PTPRT: variants seen among roughly 807,000 people sequenced by gnomAD.
PTPRT encodes protein tyrosine phosphatase receptor type T.
PTPRT carries 56 observed loss-of-function variants against 176.8 expected under a neutral mutation model. The observed-to-expected ratio is 0.32, with a 90% confidence interval of 0.26 to 0.40. The LOEUF is 0.40. Among genes scored for constraint, PTPRT ranks in the 10% least tolerant of loss-of-function variants. The pLI, the probability that PTPRT is intolerant of heterozygous loss-of-function variation, is 1.00. For synonymous variants in PTPRT, 783 were observed against 739.0 expected (o/e 1.06, Z -0.96); for missense variants, 1,540 against 1,908.2 (o/e 0.81, Z 3.60).
intron 1 of PTPRT, among the ~76,000 whole-genome samples, chr20:42,898,686 G>A (rs548141333): frequency 6.6e-6 from 1 of 152,228 alleles, no homozygotes; most frequent in African/African-American, 2.4e-5. Context: ...TGTACATTAT[G>A]AAAAAAGAAC....
intron 7 of PTPRT, among the ~76,000 whole-genome samples, chr20:42,515,474 C>T (rs1056708663): frequency 2.6e-5 from 4 of 152,096 alleles, no homozygotes; most frequent in Non-Finnish European, 4.4e-5. Context: ...CAGAGCAAGA[C>T]TCCATTAAAA....
At chr20:42,776,403 A>G (rs2077135972) in intron 4 of PTPRT, among the ~76,000 whole-genome samples, 1 of 152,160 alleles carries the variant, frequency 6.6e-6, no homozygotes, top group Admixed American at 6.5e-5. Context: ...ATCCAATCCA[A>G]TCTGACCAGT....
intron 9 of PTPRT, among the ~76,000 whole-genome samples, chr20:42,384,364 G>A (rs2058723115): frequency 6.6e-6 from 1 of 152,182 alleles, no homozygotes; most frequent in Admixed American, 6.6e-5. Flanking sequence ...GGAGGCAAAT[G>A]TGAGGTCAGA....
At chr20:43,146,580 A>C (rs1415000068) in intron 1 of PTPRT, among the ~76,000 whole-genome samples, 1 of 151,980 alleles carries the variant, frequency 6.6e-6, no homozygotes, top group Non-Finnish European at 1.5e-5. Flanking sequence ...AAATCACCCC[A>C]AAACACATAA....
intron 6 of PTPRT, among the ~76,000 whole-genome samples, chr20:42,734,945 G>A (rs138041357): frequency 1.4e-3 from 209 of 152,230 alleles, no homozygotes; most frequent in African/African-American, 4.8e-3. Flanking sequence ...AGGTCAATGG[G>A]GCTTTGTCAA....
chr20:43,024,116 C>A (rs1985817032), intron 1 of PTPRT, among the ~76,000 whole-genome samples: 1 of 152,112 alleles, frequency 6.6e-6, no homozygotes, highest in Non-Finnish European at 1.5e-5. Flanking sequence ...GCAAAACAAA[C>A]CCCTGCTCCA....
At position 42,616,854 on chromosome 20, in the gene PTPRT, T is replaced by C. The variant is rs2074090235; in HGVS notation, c.1153+61012A>G. Among the ~76,000 whole-genome samples the C allele has an allele frequency of 1.5e-5, 2 of 136,252 alleles. 1 individual carries two copies. Among genetic ancestry groups the C allele is most frequent in the African/African-American group, 6.5e-5 (2 of 30,710 alleles). 89.4% of individuals were successfully genotyped at this position (136,252 alleles called of 152,430 possible). ...AGATTTTGGGCTGAGACAATGGGGT[T>C]TTCTAGATATACAATCATGTCATCT... On this transcript the variant is annotated intron_variant, in intron 7 of 30. Transcript: ENST00000373187.
chr20:42,826,816 C>T (rs151019810), intron 2 of PTPRT, among the ~76,000 whole-genome samples: 4 of 152,142 alleles, frequency 2.6e-5, no homozygotes, highest in Admixed American at 2.0e-4. Flanking sequence ...AGACCCATCT[C>T]ACATGCAATG....
intron 11 of PTPRT, among the ~76,000 whole-genome samples, chr20:42,343,922 C>T (rs577616042): frequency 1.4e-4 from 21 of 152,322 alleles, no homozygotes; most frequent in African/African-American, 2.6e-4. Context: ...TGTTTTGAGA[C>T]GGAGTCTCGC....
chr20:42,809,230 G>A (rs2077659584), intron 2 of PTPRT, among the ~76,000 whole-genome samples: 1 of 152,190 alleles, frequency 6.6e-6, no homozygotes, highest in Non-Finnish European at 1.5e-5. Context: ...CTGCTCTGAG[G>A]CTTGGCAGGG....
chr20:42,212,071 C>T (rs1341584844), intron 15 of PTPRT, among the ~76,000 whole-genome samples: 1 of 141,016 alleles, frequency 7.1e-6, no homozygotes, highest in East Asian at 2.1e-4. Flanking sequence ...ACCGCATATT[C>T]TCACTCATAG....
intron 18 of PTPRT, among the ~76,000 whole-genome samples, chr20:42,135,663 C>T (rs952434139): frequency 2.0e-5 from 3 of 152,122 alleles, no homozygotes; most frequent in South Asian, 2.1e-4. Context: ...TGGTGGGATA[C>T]GGAAATTTAG....
intron 9 of PTPRT, among the ~76,000 whole-genome samples, chr20:42,445,161 A>G (rs1180088506): frequency 1.3e-5 from 2 of 152,202 alleles, no homozygotes; most frequent in East Asian, 3.9e-4. Context: ...AGACATCTGT[A>G]CCTGCATTTA....
chr20:43,116,474 T>C (rs1433103787), intron 1 of PTPRT, among the ~76,000 whole-genome samples: 1 of 152,216 alleles, frequency 6.6e-6, no homozygotes, highest in Non-Finnish European at 1.5e-5. Context: ...CCAAGAGTTA[T>C]TTATCAGACA....
intron 7 of PTPRT, among the ~76,000 whole-genome samples, chr20:42,645,314 T>C (rs1351978253): frequency 6.6e-6 from 1 of 152,172 alleles, no homozygotes; most frequent in East Asian, 1.9e-4. Context: ...TAACACTCCA[T>C]GAGCGACCCT....
intron 6 of PTPRT, among the ~76,000 whole-genome samples, chr20:42,736,872 C>A (rs753324554): frequency 1.3e-5 from 2 of 152,342 alleles, no homozygotes; most frequent in East Asian, 3.9e-4. Flanking sequence ...GACCTCATCA[C>A]ACTCTTGTCT....
chr20:42,930,156 G>C (rs1032587329), intron 1 of PTPRT, among the ~76,000 whole-genome samples: 3 of 152,212 alleles, frequency 2.0e-5, no homozygotes, highest in Admixed American at 6.5e-5. Context: ...GCTTACTGAT[G>C]ATGAGGAAGA....
intron 7 of PTPRT, among the ~76,000 whole-genome samples, chr20:42,631,995 T>C (rs1438691061): frequency 6.6e-6 from 1 of 152,114 alleles, no homozygotes; most frequent in African/African-American, 2.4e-5. Flanking sequence ...CCTGTTTTTG[T>C]TCACCTGGGG....
chr20:42,200,812 T>A (rs1194529030), intron 15 of PTPRT, among the ~76,000 whole-genome samples: 1 of 152,224 alleles, frequency 6.6e-6, no homozygotes, highest in East Asian at 1.9e-4. Flanking sequence ...TCTCCAAGTC[T>A]CTTACTCCAT....
Sources: gnomAD v4.1 joint callset for allele counts (sites outside exome capture counted in the v4.1 genomes callset) on GRCh38, gnomAD v4.1.1 for gene constraint, MANE v1.5 for transcripts, NCBI Gene and HGNC (gene_info 2026-07-23, HGNC 2026-07-21) for gene names.